PHF2: variants seen among roughly 807,000 people sequenced by gnomAD.
The protein encoded by PHF2 is lysine-specific demethylase PHF2.
A neutral mutation model predicts 120.5 loss-of-function variants in PHF2; 27 were observed. The observed-to-expected ratio is 0.22, with a 90% CI of 0.17 to 0.31. The LOEUF (loss-of-function observed/expected upper bound fraction) is 0.31, where lower values mean the gene tolerates loss of function less well. PHF2 is among the 10% of genes least tolerant of loss of function. The probability of loss-of-function intolerance (pLI) is 1.00; values close to 1 mark genes in which losing one functional copy is unlikely to be tolerated. For missense variants in PHF2, 1,024 were observed against 1,434.8 expected (o/e 0.71, Z 4.63); for synonymous variants, 568 against 592.5 (o/e 0.96, Z 0.60).
chr9:93,659,427 C>A, intron 10 of PHF2, 84 bp from the exon 11 acceptor site: 3 of 1,122,164 alleles, frequency 2.7e-6, no homozygotes, highest in South Asian at 2.7e-5. Context: ...GCTCGGCAGT[C>A]AGGCGACAGC....
Position 93,653,341 on chromosome 9 carries a change from C to A in PHF2, c.765C>A (p.Ala255=), listed in dbSNP as rs766694431. The change falls in exon 6 of 22, where the codon GCC becomes GCA. Residue 255 remains alanine, a synonymous_variant. Coordinates refer to ENST00000359246, the MANE Select transcript of PHF2 (RefSeq NM_005392.4). ...YTDFHIDSGG[A]SAWYHVLKGE... ...ACTTCCACATCGACTCTGGGGGCGCCTCTGCCTGGTACCACGTGCTCAAGG... is the reference window on the plus strand; with the variant it reads ...ACTTCCACATCGACTCTGGGGGCGCATCTGCCTGGTACCACGTGCTCAAGG... 6.2e-7 allele frequency: 1 copy of A among 1,613,668 alleles called. No homozygotes were observed.
At chr9:93,604,154 C>T (rs1392286513) in intron 1 of PHF2, among the ~76,000 whole-genome samples, 1 of 152,158 alleles carries the variant, frequency 6.6e-6, no homozygotes, top group Admixed American at 6.5e-5. Context: ...ATGGGAAAAA[C>T]AGGTTGATGT....
intron 1 of PHF2, among the ~76,000 whole-genome samples, chr9:93,621,254 G>C (rs2131639744): frequency 6.6e-6 from 1 of 152,366 alleles, no homozygotes; most frequent in Non-Finnish European, 1.5e-5. Flanking sequence ...TGCAGCCCCT[G>C]CCTCTGGCCC....
chr9:93,649,635 C>T (rs746178323), intron 5 of PHF2, among the ~76,000 whole-genome samples: 2 of 152,000 alleles, frequency 1.3e-5, no homozygotes, highest in South Asian at 4.2e-4. Context: ...ACAACATTCA[C>T]GCTTACTCAT....
chr9:93,594,192 C>T (rs536076038), intron 1 of PHF2, among the ~76,000 whole-genome samples: 4 of 151,284 alleles, frequency 2.6e-5, no homozygotes, highest in South Asian at 2.1e-4. Context: ...TGTGACCCCC[C>T]CCCCCTCCAT....
chr9:93,592,071 C>T (rs1393270112), intron 1 of PHF2, among the ~76,000 whole-genome samples: 1 of 152,226 alleles, frequency 6.6e-6, no homozygotes, highest in Non-Finnish European at 1.5e-5. Context: ...TCTGCCTTAA[C>T]CAGGGACACC....
intron 2 of PHF2, among the ~76,000 whole-genome samples, chr9:93,632,132 C>G (rs1049460773): frequency 1.3e-5 from 2 of 152,214 alleles, no homozygotes; most frequent in Non-Finnish European, 2.9e-5. Flanking sequence ...CTCACCCAGA[C>G]CCTGCCCCTG....
At chr9:93,636,559 C>A in intron 3 of PHF2, 34 bp downstream of exon 3, 1 of 1,396,600 alleles carries the variant, frequency 7.2e-7, no homozygotes, top group Non-Finnish European at 9.9e-7. Context: ...CCACCACCTG[C>A]AGCCAGGGGA....
intron 3 of PHF2, 21 bp downstream of exon 3, chr9:93,636,546 G>A (rs1716313834): frequency 6.7e-7 from 1 of 1,501,860 alleles, no homozygotes. Context: ...CTTCCTGTAT[G>A]CTCCACCACC....
At chr9:93,643,671 G>T (rs1425506276) in intron 3 of PHF2, among the ~76,000 whole-genome samples, 1 of 152,084 alleles carries the variant, frequency 6.6e-6, no homozygotes, top group Non-Finnish European at 1.5e-5. Context: ...AGGCTTTTCT[G>T]GGGACTCAGC....
intron 4 of PHF2, among the ~76,000 whole-genome samples, chr9:93,647,323 G>A (rs1361089663): frequency 1.3e-5 from 2 of 152,198 alleles, no homozygotes; most frequent in Admixed American, 6.5e-5. Context: ...AAGGCCCTGG[G>A]CTCACCTAAT....
At chr9:93,615,067 G>A (rs746114723) in intron 1 of PHF2, among the ~76,000 whole-genome samples, 1 of 151,082 alleles carries the variant, frequency 6.6e-6, no homozygotes, top group African/African-American at 2.4e-5. Context: ...GATGGTGACA[G>A]TGATGGTGGT....
In PHF2 at chr9:93,649,092, T is replaced by C; in HGVS notation, c.482T>C (p.Val161Ala). 1 of 1,551,298 alleles carries C rather than the reference T, an allele frequency of 6.4e-7. No individual in the cohort carries two copies. Among genetic ancestry groups the C allele is most frequent in the Non-Finnish European group, 8.7e-7 (1 of 1,146,976 alleles). Residue 161 changes from valine (V) to alanine (A), a missense_variant, in exon 5 of 22, where the codon GTG becomes GCG. By Grantham distance (64) the Val-to-Ala change is moderately conservative. Transcript: ENST00000359246. ...NYVGPERSVDVTDVTKQKDCK... is the reference protein window; with the variant it reads ...NYVGPERSVDATDVTKQKDCK... ...CTAGGGCCGGAACGGAGTGTGGATG[T>C]GACAGATGTCACCAAGCAGAAGGAC...
In PHF2 at chr9:93,653,129, T is replaced by TA. The variant is rs778771747; in HGVS notation, c.603-44dup. ...AACATGTTTCCCACTGCAGGGGAAATAAAAAAGGGAGTCCCAGGTTCCCTC... is the reference window on the plus strand; with the variant it reads ...AACATGTTTCCCACTGCAGGGGAAATAAAAAAAGGGAGTCCCAGGTTCCCTC... On this transcript the variant is annotated intron_variant, in intron 5 of 21. Coordinates refer to ENST00000359246, the MANE Select transcript of PHF2 (RefSeq NM_005392.4). The TA allele has an allele frequency of 3.1e-5, 48 of 1,554,090 alleles. 1 individual carries two copies. Among genetic ancestry groups the TA allele is most frequent in the Non-Finnish European group, 1.3e-5 (15 of 1,131,938 alleles).
chr9:93,658,813 G>C (rs1292792770), intron 10 of PHF2, among the ~76,000 whole-genome samples: 1 of 152,146 alleles, frequency 6.6e-6, no homozygotes, highest in Non-Finnish European at 1.5e-5. Context: ...CCCTCCCTGT[G>C]ACTCTTACCG....
At chr9:93,638,385 C>A (rs971896388) in intron 3 of PHF2, among the ~76,000 whole-genome samples, 26 of 152,162 alleles carry the variant, frequency 1.7e-4, no homozygotes, top group African/African-American at 6.0e-4. Flanking sequence ...GATATATTTT[C>A]TTCTAAGAGT....
chr9:93,639,854 GT>G lies in PHF2; in HGVS notation c.299+3334del, dbSNP rs1826148818. Among the ~76,000 whole-genome samples, 5 of 152,334 alleles carry G rather than the reference GT, an allele frequency of 3.3e-5. 1 individual carries two copies. The South Asian group carries it at 1.0e-3, about 32-fold the overall frequency. ...GGGAGCCGGTGGGGACGAAGCCTGT[GT>G]TTTTGGCTGCAGCACTTGGGAGTGG... On this transcript the variant is annotated intron_variant, in intron 3 of 21. Transcript: ENST00000359246.
In PHF2 at chr9:93,660,383, G is replaced by GGCC; in HGVS notation, c.1521_1522insGCC (p.Lys507_Pro508insAla). ...TGCCCAAGCCATCCAAAATCCCCAA[G>GGCC]CCCCCGAAGCCCCCTAAGCCCCCAA... On this transcript the variant is annotated inframe_insertion, in exon 12 of 22. Transcript: ENST00000359246. 6.6e-7 allele frequency: 1 copy of GGCC among 1,511,628 alleles called. No homozygotes were observed. Among genetic ancestry groups the GGCC allele is most frequent in the Non-Finnish European group, 8.9e-7 (1 of 1,126,634 alleles). 93.6% of individuals were successfully genotyped at this position (1,511,628 alleles called of 1,614,324 possible).
At chr9:93,620,603 G>A (rs935978144) in intron 1 of PHF2, among the ~76,000 whole-genome samples, 3 of 152,220 alleles carry the variant, frequency 2.0e-5, no homozygotes, top group African/African-American at 7.2e-5. Flanking sequence ...TTAGTGAGGG[G>A]TTGAGGTTGG....
Sources: allele counts gnomAD v4.1 joint callset (sites outside exome capture counted in the v4.1 genomes callset), GRCh38; gene constraint gnomAD v4.1.1; transcripts MANE v1.5; gene names NCBI Gene and HGNC (gene_info 2026-07-23, HGNC 2026-07-21).